Variants in TBATA observed in about 807,000 individuals in gnomAD.
TBATA encodes the protein thymus, brain and testes associated.
TBATA carries 47 observed loss-of-function variants against 38.7 expected under a neutral mutation model. That is an observed-to-expected ratio of 1.21 (90% CI 0.96 to 1.55). The LOEUF (loss-of-function observed/expected upper bound fraction) is 1.55, where lower values mean the gene tolerates loss of function less well. Among genes scored for constraint, TBATA ranks in the 40% most tolerant of loss-of-function variants. The probability of loss-of-function intolerance (pLI) is 0.00; values close to 1 mark genes in which losing one functional copy is unlikely to be tolerated. For synonymous variants in TBATA, 183 were observed against 170.5 expected (o/e 1.07, Z -0.57); for missense variants, 436 against 435.6 (o/e 1.00, Z -0.01).
At chr10:70,774,878 G>A (rs1843192320) in intron 8 of TBATA, among the ~76,000 whole-genome samples, 1 of 152,182 alleles carries the variant, frequency 6.6e-6, no homozygotes, top group African/African-American at 2.4e-5. Flanking sequence ...AACGTGTGAG[G>A]GGCTGTGTCT....
Position 70,772,149 on chromosome 10 carries a change from C to A in TBATA, c.973+365G>T, listed in dbSNP as rs1842852256. On this transcript the variant is annotated intron_variant, in intron 10 of 10. Transcript: ENST00000456372. Reference sequence around the variant, plus strand: ...TTTCCTGCCGTTCAGCTCTAGGAGCCCTCTCCCCACCTGCCAGTCCTTCTC... The same window carrying A: ...TTTCCTGCCGTTCAGCTCTAGGAGCACTCTCCCCACCTGCCAGTCCTTCTC... The A allele has an allele frequency of 1.2e-5, 6 of 487,284 alleles. No homozygotes were observed. In the Admixed American group the frequency reaches 1.4e-4, roughly 12 times the overall value. 30.2% of individuals were successfully genotyped at this position (487,284 alleles called of 1,614,324 possible).
chr10:70,783,253 T>G (rs1017348295), intron 3 of TBATA, 86 bp downstream of exon 3: 185 of 1,482,216 alleles, frequency 1.2e-4, no homozygotes, highest in East Asian at 6.3e-4. Context: ...CCTAATCTGT[T>G]GAGATCCCCC....
intron 9 of TBATA, among the ~76,000 whole-genome samples, chr10:70,773,704 A>G (rs988726048): frequency 3.9e-5 from 6 of 152,162 alleles, no homozygotes; most frequent in Admixed American, 1.3e-4. Flanking sequence ...TGTTGGATGG[A>G]CTAGAAAAAC....
In TBATA at chr10:70,773,464, G is replaced by GCCC. The variant is rs1564574133; in HGVS notation, c.920+748_920+749insGGG. 4.2e-4 allele frequency among the ~76,000 whole-genome samples: 3 copies of GCCC among 7,074 alleles called. No individual in the cohort carries two copies. The Admixed American group carries it at 5.4e-3, about 13-fold the overall frequency. The allele number at this position is 7,074 out of a possible 152,430, so 4.6% of individuals were successfully genotyped here. On this transcript the variant is annotated intron_variant, in intron 9 of 10. Transcript: ENST00000456372. ...CACTCAGGTGACTGTTAAAAATACA[G>GCCC]GCCCCCCCGGCTTCACCCCGGCCTG...
chr10:70,783,320 T>A lies in TBATA; in HGVS notation c.41+19A>T. On this transcript the variant is annotated intron_variant, in intron 3 of 10. Coordinates refer to ENST00000456372, the MANE Select transcript of TBATA (RefSeq NM_001318241.2). ...CCCAAGCCCTCCTCAGTCAGCAGGG[T>A]GGGCATTTGGAGCCTCACCTCATCA... 6.2e-7 allele frequency: 1 copy of A among 1,614,036 alleles called. No homozygotes were observed. The highest frequency in any genetic ancestry group is 8.5e-7 in the Non-Finnish European group (1 of 1,179,920).
intron 10 of TBATA, among the ~76,000 whole-genome samples, chr10:70,771,807 C>T (rs765474564): frequency 2.4e-4 from 37 of 152,276 alleles, no homozygotes; most frequent in Non-Finnish European, 4.6e-4. Flanking sequence ...CCCCTGCCCC[C>T]CACTCTAGTC....
chr10:70,777,361 C>T lies in TBATA; in HGVS notation c.508-23G>A, dbSNP rs1382441986. 6 of 1,605,410 alleles carry T rather than the reference C, an allele frequency of 3.7e-6. No individual in the cohort carries two copies. In the East Asian group the frequency reaches 1.1e-4, roughly 30 times the overall value. On this transcript the variant is annotated intron_variant, in intron 6 of 10. Transcript: ENST00000456372. The stretch of plus-strand genomic sequence containing the variant: ...CTGCTGGGACAAAAGTGGCCAGAGA[C>T]TCCAGGCAGTCAGCAAGAGGGGAGG...
chr10:70,778,765 G>T (rs773887915), intron 5 of TBATA, 129 bp from the exon 6 acceptor site: 18 of 833,434 alleles, frequency 2.2e-5, no homozygotes, highest in Non-Finnish European at 8.2e-6. Context: ...AAGGGAAAGG[G>T]GGAGGCGGTG....
chr10:70,783,217 C>T, intron 3 of TBATA, 122 bp downstream of exon 3: 1 of 1,145,640 alleles, frequency 8.7e-7, no homozygotes, highest in Non-Finnish European at 1.3e-6. Context: ...CAGCAGAAGT[C>T]CAGTAAGAAC....
Position 70,774,229 on chromosome 10 carries a change from G to T in TBATA, c.904C>A (p.Gln302Lys), listed in dbSNP as rs1461784500. 4.3e-6 allele frequency: 7 copies of T among 1,612,188 alleles called. No homozygotes were observed. The African/African-American group carries it at 8.0e-5, about 18-fold the overall frequency. Residue 302 changes from glutamine to lysine, a missense_variant, in exon 9 of 11, where the codon CAA (glutamine) becomes AAA (lysine). Coordinates refer to ENST00000456372, the MANE Select transcript of TBATA (RefSeq NM_001318241.2). The stretch of plus-strand genomic sequence containing the variant: ...GGGGCCCACCTGCAGGGTGGCTCTT[G>T]CTTCTCTTGAGGAGGTTCATGCACT... ...PEVHEPPQEK[Q>K]EPPCSQSPKK...
At chr10:70,775,072 A>AGGAGAGGCCTCCT (rs1843212242) in intron 8 of TBATA, 117 bp downstream of exon 8, 4 of 929,894 alleles carry the variant, frequency 4.3e-6, no homozygotes, top group Non-Finnish European at 4.9e-6. Context: ...AGAGGCCTCC[A>AGGAGAGGCCTCCT]TGGAAGGCCC....
At chr10:70,780,117 C>T (rs920625775) in intron 4 of TBATA, among the ~76,000 whole-genome samples, 7 of 152,074 alleles carry the variant, frequency 4.6e-5, no homozygotes, top group Non-Finnish European at 1.0e-4. Flanking sequence ...AATGCTGGGG[C>T]GAGGGCATTA....
rs1399539229 is a variant in TBATA at position 70,774,286 on chromosome 10, G to C, written c.847C>G (p.Pro283Ala). ...QLLPQPLVSI[P>A]TEKLLSQLPE... ...AGCTGGCTTAGGAGCTTTTCTGTAGGGATGGAGACTAGGGGCTGGGGAAGG... is the reference window on the plus strand; with the variant it reads ...AGCTGGCTTAGGAGCTTTTCTGTAGCGATGGAGACTAGGGGCTGGGGAAGG... Residue 283 changes from proline (P) to alanine (A), a missense_variant, in exon 9 of 11, where the codon CCT (proline) becomes GCT (alanine). Physicochemically the swap from Pro to Ala is conservative, Grantham distance 27 (BLOSUM62 -1). Coordinates refer to ENST00000456372, the MANE Select transcript of TBATA (RefSeq NM_001318241.2). 6.2e-7 allele frequency: 1 copy of C among 1,610,646 alleles called. No individual in the cohort carries two copies. The highest frequency in any genetic ancestry group is 1.7e-5 in the Admixed American group (1 of 59,562).
intron 2 of TBATA, 69 bp downstream of exon 2, chr10:70,784,578 G>A (rs1844651296): frequency 6.6e-6 from 1 of 152,140 alleles, no homozygotes; most frequent in South Asian, 2.1e-4. Flanking sequence ...AGTTGTCTGA[G>A]ATCAGGGAAG....
chr10:70,772,493 A>G, intron 10 of TBATA, 21 bp downstream of exon 10: 1 of 1,613,350 alleles, frequency 6.2e-7, no homozygotes, highest in Non-Finnish European at 8.5e-7. Context: ...CCCCCAAATG[A>G]CCCACTACTT....
chr10:70,774,317 A>G lies in TBATA; in HGVS notation c.816T>C (p.Ala272=). 1 of 1,606,202 alleles carries G rather than the reference A, an allele frequency of 6.2e-7. No individual in the cohort carries two copies. The highest frequency in any genetic ancestry group is 8.5e-7 in the Non-Finnish European group (1 of 1,177,086). Residue 272 remains alanine, a synonymous_variant, in exon 9 of 11, where the codon GCT becomes GCC. Coordinates refer to ENST00000456372, the MANE Select transcript of TBATA (RefSeq NM_001318241.2). ...AGACTAGGGGCTGGGGAAGGAGCTGAGCCACTGCTGTCTGCAGGAGTCCCA... is the reference window on the plus strand; with the variant it reads ...AGACTAGGGGCTGGGGAAGGAGCTGGGCCACTGCTGTCTGCAGGAGTCCCA... ...LALGLLQTAV[A]QLLPQPLVSI...
At chr10:70,782,513 C>T in intron 3 of TBATA, 1 of 1,277,660 alleles carries the variant, frequency 7.8e-7, no homozygotes, top group Non-Finnish European at 1.0e-6. Flanking sequence ...GTAGTCTTGG[C>T]TCAGACTCAG....
At chr10:70,779,874 C>G in intron 4 of TBATA, 132 bp from the exon 5 acceptor site, 1 of 982,716 alleles carries the variant, frequency 1.0e-6, no homozygotes, top group Non-Finnish European at 1.4e-6. Context: ...GATAGATTAT[C>G]AGAGCTGGGA....
rs539891487 is a variant in TBATA at position 70,774,326 on chromosome 10, T to C, written c.807A>G (p.Thr269=). The part of the protein sequence containing the change: ...EKDLALGLLQ[T]AVAQLLPQPL... ...GCTGGGGAAGGAGCTGAGCCACTGC[T>C]GTCTGCAGGAGTCCCAGAGCGAGGT... Residue 269 remains threonine, a synonymous_variant, in exon 9 of 11, where the codon ACA becomes ACG. Coordinates refer to ENST00000456372, the MANE Select transcript of TBATA (RefSeq NM_001318241.2). 2 of 1,604,460 alleles carry C rather than the reference T, an allele frequency of 1.2e-6. No individual in the cohort carries two copies. The highest frequency in any genetic ancestry group is 2.3e-5 in the South Asian group (2 of 88,686).
Sources: gnomAD v4.1 joint callset for allele counts (sites outside exome capture counted in the v4.1 genomes callset) on GRCh38, gnomAD v4.1.1 for gene constraint, MANE v1.5 for transcripts, NCBI Gene and HGNC (gene_info 2026-07-23, HGNC 2026-07-21) for gene names.